The following ASIC2 variants were observed in gnomAD, a reference collection of about 807,000 sequenced individuals.
ASIC2 encodes the protein acid-sensing ion channel 2.
ASIC2 carries 25 observed loss-of-function variants against 57.3 expected under a neutral mutation model. That is an observed-to-expected ratio of 0.44 (90% CI 0.32 to 0.61). The LOEUF (loss-of-function observed/expected upper bound fraction) is 0.61. Among genes scored for constraint, ASIC2 ranks in the 20% least tolerant of loss-of-function variants. ASIC2 has a pLI of 0.06. For missense variants in ASIC2, 641 were observed against 738.1 expected, an observed-to-expected ratio of 0.87 and a Z score of 1.52; for synonymous variants, 319 against 307.5, an observed-to-expected ratio of 1.04 and a Z score of -0.39.
chr17:33,647,697 G>A (rs1354633352), intron 1 of ASIC2, among the ~76,000 whole-genome samples: 2 of 152,206 alleles, frequency 1.3e-5, no homozygotes, highest in African/African-American at 4.8e-5. Context: ...TAACTCTAAA[G>A]CCTAGAGAAT....
chr17:33,360,446 C>A (rs576160378), intron 1 of ASIC2, among the ~76,000 whole-genome samples: 1 of 152,330 alleles, frequency 6.6e-6, no homozygotes, highest in Non-Finnish European at 1.5e-5. Context: ...ACAACGTACA[C>A]AACTTTCTCC....
chr17:33,213,882 A>G (rs1469878654), intron 1 of ASIC2, among the ~76,000 whole-genome samples: 1 of 152,176 alleles, frequency 6.6e-6, no homozygotes, highest in South Asian at 2.1e-4. Flanking sequence ...CCCTCTGGGC[A>G]TTCTCACAAG....
intron 1 of ASIC2, among the ~76,000 whole-genome samples, chr17:33,641,352 A>G (rs534691213): frequency 6.6e-6 from 1 of 152,332 alleles, no homozygotes; most frequent in East Asian, 1.9e-4. Context: ...CACACAGCAC[A>G]CGCTCAGCAT....
chr17:33,620,076 G>C (rs1905736187), intron 1 of ASIC2, among the ~76,000 whole-genome samples: 1 of 151,906 alleles, frequency 6.6e-6, no homozygotes, highest in South Asian at 2.1e-4. Context: ...ATATTCTTCT[G>C]ATCCTCTTTA....
intron 1 of ASIC2, among the ~76,000 whole-genome samples, chr17:33,758,117 A>C (rs927017966): frequency 3.9e-5 from 6 of 152,222 alleles, no homozygotes; most frequent in Admixed American, 6.5e-5. Context: ...AACACTGTAC[A>C]TGGTGGCTGA....
intron 1 of ASIC2, among the ~76,000 whole-genome samples, chr17:33,464,898 C>T (rs564351204): frequency 6.6e-6 from 1 of 152,098 alleles, no homozygotes; most frequent in Non-Finnish European, 1.5e-5. Context: ...TCACAGTTTA[C>T]AAGTACCAAC....
intron 1 of ASIC2, among the ~76,000 whole-genome samples, chr17:33,150,630 C>T (rs927393935): frequency 6.6e-6 from 1 of 151,562 alleles, no homozygotes; most frequent in African/African-American, 2.4e-5. Flanking sequence ...GGGTGGATCA[C>T]TTGAGGTCAG....
intron 1 of ASIC2, among the ~76,000 whole-genome samples, chr17:33,276,195 AG>A (rs1485013917): frequency 6.6e-6 from 1 of 151,710 alleles, no homozygotes; most frequent in Non-Finnish European, 1.5e-5. Flanking sequence ...TGTATGCATT[AG>A]TAAATGAAGC....
intron 1 of ASIC2, among the ~76,000 whole-genome samples, chr17:34,086,296 A>T (rs1170203165): frequency 3.3e-5 from 5 of 152,148 alleles, no homozygotes; most frequent in African/African-American, 1.2e-4. Context: ...TTCATTATGT[A>T]CCAAGTAGTC....
At chr17:33,101,225 T>A (rs141744090) in intron 2 of ASIC2, among the ~76,000 whole-genome samples, 2 of 152,182 alleles carry the variant, frequency 1.3e-5, no homozygotes, top group South Asian at 2.1e-4. Flanking sequence ...GCAACCATCA[T>A]CACCCACGCT....
intron 1 of ASIC2, among the ~76,000 whole-genome samples, chr17:34,072,643 TTTAA>T (rs536956456): frequency 1.7e-4 from 26 of 152,360 alleles, no homozygotes; most frequent in African/African-American, 4.6e-4. Flanking sequence ...TTCTAGTCTT[TTTAA>T]TTAATTCCTC....
intron 1 of ASIC2, among the ~76,000 whole-genome samples, chr17:34,133,763 A>T (rs1182762958): frequency 6.6e-6 from 1 of 152,242 alleles, no homozygotes; most frequent in Non-Finnish European, 1.5e-5. Context: ...CAACTAAGTG[A>T]CATAGGGGTT....
intron 1 of ASIC2, among the ~76,000 whole-genome samples, chr17:33,743,240 T>C (rs753867917): frequency 6.6e-6 from 1 of 152,268 alleles, no homozygotes; most frequent in Non-Finnish European, 1.5e-5. Context: ...ACAGCAAAGA[T>C]AGAAACATTC....
intron 1 of ASIC2, among the ~76,000 whole-genome samples, chr17:33,797,920 C>A (rs772439124): frequency 5.3e-5 from 8 of 152,130 alleles, no homozygotes; most frequent in Non-Finnish European, 1.2e-4. Flanking sequence ...CAGGACTAGC[C>A]CCCACACATA....
intron 1 of ASIC2, among the ~76,000 whole-genome samples, chr17:33,221,388 GGTAGAA>G (rs1363009462): frequency 3.3e-5 from 5 of 152,294 alleles, no homozygotes; most frequent in Admixed American, 2.0e-4. Flanking sequence ...AAACAAAAGA[GGTAGAA>G]TCTTCAAGGA....
At chr17:33,741,570 C>G (rs1910112887) in intron 1 of ASIC2, among the ~76,000 whole-genome samples, 1 of 152,178 alleles carries the variant, frequency 6.6e-6, no homozygotes, top group Admixed American at 6.5e-5. Flanking sequence ...AGTAGTGATG[C>G]TGGGGTGATG....
intron 1 of ASIC2, among the ~76,000 whole-genome samples, chr17:33,771,432 T>G (rs761121624): frequency 6.6e-6 from 1 of 152,222 alleles, no homozygotes; most frequent in Non-Finnish European, 1.5e-5. Context: ...TGACTCTACA[T>G]CTACATAACA....
At chr17:33,682,143 T>C (rs1908021953) in intron 1 of ASIC2, among the ~76,000 whole-genome samples, 3 of 149,012 alleles carry the variant, frequency 2.0e-5, no homozygotes, top group Admixed American at 1.4e-4. Flanking sequence ...CACTGCAAGC[T>C]CCGCCTCCCG....
chr17:33,412,878 G>C (rs1226740897), intron 1 of ASIC2, among the ~76,000 whole-genome samples: 1 of 152,188 alleles, frequency 6.6e-6, no homozygotes, highest in Non-Finnish European at 1.5e-5. Flanking sequence ...AGCTGTGAGA[G>C]GAGCCGGGGT....
Sources: gnomAD v4.1 joint callset for allele counts (sites outside exome capture counted in the v4.1 genomes callset) on GRCh38, gnomAD v4.1.1 for gene constraint, MANE v1.5 for transcripts, NCBI Gene and HGNC (gene_info 2026-07-23, HGNC 2026-07-21) for gene names.